ROBO2: variants seen among roughly 807,000 people sequenced by gnomAD.
ROBO2 encodes roundabout guidance receptor 2.
In ROBO2, 53 loss-of-function variants were observed where a neutral mutation model predicts 160.8. The ratio of observed to expected loss-of-function variants is 0.33; its 90% CI spans 0.26 to 0.41. ROBO2 has a LOEUF of 0.41. Ranked by LOEUF, ROBO2 falls within the 10% of genes least tolerant of loss-of-function variation. The probability of loss-of-function intolerance (pLI) is 1.00; values close to 1 mark genes in which losing one functional copy is unlikely to be tolerated. For missense variants in ROBO2, 1,577 were observed against 1,722.4 expected (o/e 0.92, Z 1.49); for synonymous variants, 664 against 611.7 (o/e 1.09, Z -1.26).
intron 2 of ROBO2, among the ~76,000 whole-genome samples, chr3:76,742,355 G>A (rs1009545210): frequency 4.6e-5 from 7 of 152,046 alleles, no homozygotes; most frequent in South Asian, 2.1e-4. Context: ...TGTTTCATAG[G>A]TAAAAGTTGT....
chr3:77,019,158 C>T (rs1230200397), intron 2 of ROBO2, among the ~76,000 whole-genome samples: 1 of 152,126 alleles, frequency 6.6e-6, no homozygotes, highest in Non-Finnish European at 1.5e-5. Context: ...ATACCATAAA[C>T]TGGGTATCTT....
intron 2 of ROBO2, among the ~76,000 whole-genome samples, chr3:76,265,791 G>A (rs1707063395): frequency 6.6e-6 from 1 of 152,070 alleles, no homozygotes; most frequent in Non-Finnish European, 1.5e-5. Context: ...TTGCATAAAA[G>A]AATTTAATAC....
At chr3:76,710,661 G>T (rs2093274671) in intron 2 of ROBO2, among the ~76,000 whole-genome samples, 1 of 152,106 alleles carries the variant, frequency 6.6e-6, no homozygotes, top group Admixed American at 6.6e-5. Flanking sequence ...TCTGATCTGG[G>T]CTTCGTGGGA....
intron 2 of ROBO2, among the ~76,000 whole-genome samples, chr3:75,939,349 GA>G (rs1947936584): frequency 6.6e-6 from 1 of 151,970 alleles, no homozygotes; most frequent in Non-Finnish European, 1.5e-5. Context: ...AAATATTTGA[GA>G]AAAATAGGTA....
rs1477805112 is a variant in ROBO2 at position 77,632,458 on chromosome 3, C to T, written c.3761-2412C>T. Reference sequence around the variant, plus strand: ...TCAATATATACAACTCACTAGACAACTACATTTGTTTTTAGGTTCAATGGT... The same window carrying T: ...TCAATATATACAACTCACTAGACAATTACATTTGTTTTTAGGTTCAATGGT... On this transcript the variant is annotated intron_variant, in intron 23 of 25. Coordinates refer to ENST00000461745, the Ensembl canonical transcript of ROBO2. The T allele has an allele frequency of 2.6e-6, 4 of 1,519,900 alleles. No individual in the cohort carries two copies. In the South Asian group the frequency reaches 4.9e-5, roughly 18 times the overall value. The allele number at this position is 1,519,900 out of a possible 1,614,324, so 94.2% of individuals were successfully genotyped here.
At chr3:77,021,012 C>T (rs2062597293) in intron 2 of ROBO2, among the ~76,000 whole-genome samples, 1 of 151,972 alleles carries the variant, frequency 6.6e-6, no homozygotes, top group African/African-American at 2.4e-5. Context: ...CAAGACCAGT[C>T]TGGGCAACAT....
rs1418939545 is a variant in ROBO2 at position 76,693,337 on chromosome 3, C to CTA, written c.110-404669_110-404668dup. On this transcript the variant is annotated intron_variant, in intron 2 of 26. Transcript: ENST00000487694. ...ATATATAGTGTACATACACATATCC[C>CTA]TATATATATTTAGCATATATATGTA... is the stretch of plus-strand genomic sequence containing the variant. 2.0e-5 allele frequency among the ~76,000 whole-genome samples: 3 copies of CTA among 150,218 alleles called. No individual in the cohort carries two copies. In the Admixed American group the frequency reaches 2.0e-4, roughly 10 times the overall value.
intron 2 of ROBO2, among the ~76,000 whole-genome samples, chr3:77,376,208 G>A (rs1467529995): frequency 7.3e-6 from 1 of 137,240 alleles, no homozygotes; most frequent in African/African-American, 2.7e-5. Flanking sequence ...AGGCTGGAGT[G>A]CACCAGTACA....
chr3:77,467,612 T>TATCTATCTATC (rs2082906151), intron 2 of ROBO2, among the ~76,000 whole-genome samples: 1 of 150,598 alleles, frequency 6.6e-6, no homozygotes, highest in African/African-American at 2.4e-5. Context: ...TCTATCTATC[T>TATCTATCTATC]ATCTATCTAT....
intron 1 of ROBO2, among the ~76,000 whole-genome samples, chr3:75,912,683 G>C (rs1946650057): frequency 6.6e-6 from 1 of 152,130 alleles, no homozygotes; most frequent in Admixed American, 6.5e-5. Flanking sequence ...GGAATTATGG[G>C]AAGGGTGAAA....
rs73841047 is a variant in ROBO2, at chr3:75,946,068, C to T, written c.109+8466C>T. Among the ~76,000 whole-genome samples the T allele has an allele frequency of 8.3e-3, 1,262 of 152,062 alleles. 18 individuals carry two copies. Among genetic ancestry groups the T allele is most frequent in the African/African-American group, 0.028 (1,178 of 41,520 alleles). On this transcript the variant is annotated intron_variant, in intron 2 of 26. Transcript: ENST00000487694. ...TGGCGGAATTGTCTTCTTGGAAAGA[C>T]GGTGTTTCCTTCTACCAGGAAAAAA...
intron 2 of ROBO2, among the ~76,000 whole-genome samples, chr3:77,017,946 G>A (rs1389416052): frequency 6.6e-6 from 1 of 151,990 alleles, no homozygotes; most frequent in Non-Finnish European, 1.5e-5. Flanking sequence ...CCACATGCTT[G>A]GCGTTCCAAT....
intron 2 of ROBO2, among the ~76,000 whole-genome samples, chr3:76,127,597 A>AAAAAAATAT (rs879328622): frequency 8.5e-6 from 1 of 118,336 alleles, no homozygotes; most frequent in East Asian, 4.5e-4. Context: ...GGTTTGAAAA[A>AAAAAAATAT]ATATATATAT....
chr3:77,306,253 C>G (rs1441846541), intron 2 of ROBO2, among the ~76,000 whole-genome samples: 1 of 151,846 alleles, frequency 6.6e-6, no homozygotes, highest in African/African-American at 2.4e-5. Flanking sequence ...ATTATTTTTT[C>G]TAATTGGATT....
intron 2 of ROBO2, among the ~76,000 whole-genome samples, chr3:76,414,784 AAGAC>A (rs1250951669): frequency 6.6e-6 from 1 of 152,050 alleles, no homozygotes; most frequent in Non-Finnish European, 1.5e-5. Flanking sequence ...AAAAAAGAAA[AAGAC>A]AAAAAAAAAA....
At chr3:76,938,241 G>C (rs2077861803) in intron 2 of ROBO2, among the ~76,000 whole-genome samples, 1 of 152,124 alleles carries the variant, frequency 6.6e-6, no homozygotes, top group African/African-American at 2.4e-5. Context: ...TGTAGTCCCA[G>C]CTACTCGGGA....
intron 2 of ROBO2, among the ~76,000 whole-genome samples, chr3:76,559,203 A>G (rs1279994969): frequency 6.6e-6 from 1 of 152,124 alleles, no homozygotes; most frequent in Non-Finnish European, 1.5e-5. Flanking sequence ...GAATTTTTGT[A>G]TGTCAATAAA....
chr3:77,247,325 T>C (rs746283106), intron 2 of ROBO2, among the ~76,000 whole-genome samples: 1 of 152,126 alleles, frequency 6.6e-6, no homozygotes, highest in Non-Finnish European at 1.5e-5. Flanking sequence ...ATGGAGCTAG[T>C]GGAGAAATCA....
At chr3:76,786,921 C>T (rs1401633022) in intron 2 of ROBO2, among the ~76,000 whole-genome samples, 1 of 151,316 alleles carries the variant, frequency 6.6e-6, no homozygotes, top group Non-Finnish European at 1.5e-5. Flanking sequence ...ACTCATAGTT[C>T]ACAGGCTACA....
Sources: allele counts gnomAD v4.1 joint callset (sites outside exome capture counted in the v4.1 genomes callset), GRCh38; gene constraint gnomAD v4.1.1; transcripts MANE v1.5; gene names NCBI Gene and HGNC (gene_info 2026-07-23, HGNC 2026-07-21).